The following SV2C variants were observed in gnomAD, a reference collection of about 807,000 sequenced individuals.
SV2C encodes the protein solute carrier family 22 member B3.
SV2C carries 49 observed loss-of-function variants against 79.7 expected under a neutral mutation model. The ratio of observed to expected loss-of-function variants is 0.61; its 90% CI spans 0.49 to 0.78. SV2C has a LOEUF of 0.78. SV2C is among the 30% of genes least tolerant of loss of function. The probability of loss-of-function intolerance (pLI) is 0.00; values close to 1 mark genes in which losing one functional copy is unlikely to be tolerated. For synonymous variants in SV2C, 334 were observed against 333.2 expected, an observed-to-expected ratio of 1.00 and a Z score of -0.03; for missense variants, 833 against 912.9, an observed-to-expected ratio of 0.91 and a Z score of 1.13.
chr5:76,304,741 CCAAA>C (rs1261347505), intron 12 of SV2C, among the ~76,000 whole-genome samples: 2 of 152,130 alleles, frequency 1.3e-5, no homozygotes, highest in Non-Finnish European at 2.9e-5. Context: ...GCAGGAAGGG[CCAAA>C]CACTGTGTGA....
At chr5:76,195,964 CT>C (rs981336893) in intron 3 of SV2C, among the ~76,000 whole-genome samples, 2 of 151,642 alleles carry the variant, frequency 1.3e-5, no homozygotes, top group Non-Finnish European at 2.9e-5. Flanking sequence ...AACTTAGAGA[CT>C]TTTTTTTCAA....
the SV2C span, among the ~76,000 whole-genome samples, chr5:75,892,898 T>C: frequency 6.6e-6 from 1 of 152,122 alleles, no homozygotes; most frequent in Non-Finnish European, 1.5e-5. Flanking sequence ...AGTGCATGTG[T>C]CTTTTTGGTA....
chr5:76,176,986 G>T (rs1196803658), intron 2 of SV2C, among the ~76,000 whole-genome samples: 2 of 151,654 alleles, frequency 1.3e-5, no homozygotes, highest in African/African-American at 4.8e-5. Flanking sequence ...ACGGTGGCGG[G>T]CGTCTGTAGT....
the SV2C span, among the ~76,000 whole-genome samples, chr5:75,907,318 C>T: frequency 6.0e-4 from 91 of 152,276 alleles, no homozygotes; most frequent in African/African-American, 2.1e-3. Context: ...TTGATCATGG[C>T]TCACCTCCAA....
chr5:75,958,601 C>T, the SV2C span, among the ~76,000 whole-genome samples: 1 of 152,120 alleles, frequency 6.6e-6, no homozygotes, highest in Admixed American at 6.6e-5. Context: ...TCCAACTTGG[C>T]CCTTTGGCTG....
At chr5:75,882,790 A>T in the SV2C span, among the ~76,000 whole-genome samples, 1 of 98,536 alleles carries the variant, frequency 1.0e-5, no homozygotes, top group Non-Finnish European at 1.8e-5. Context: ...CTAAAACCAT[A>T]AAAAAAAAAA....
chr5:76,102,340 T>C (rs1461713577), intron 1 of SV2C, among the ~76,000 whole-genome samples: 1 of 152,014 alleles, frequency 6.6e-6, no homozygotes, highest in Non-Finnish European at 1.5e-5. Context: ...TAGCTAACTC[T>C]CACTCATCCT....
At chr5:76,271,762 CG>C (rs1481722579) in intron 4 of SV2C, among the ~76,000 whole-genome samples, 1 of 152,004 alleles carries the variant, frequency 6.6e-6, no homozygotes, top group African/African-American at 2.4e-5. Flanking sequence ...CCATCGCGCC[CG>C]GCGTATGTGC....
rs554112623 is a variant in SV2C at position 76,257,448 on chromosome 5, G to A, written c.914-27714G>A. Among the ~76,000 whole-genome samples the A allele has an allele frequency of 2.4e-4, 29 of 121,486 alleles. No individual in the cohort carries two copies. The East Asian group carries it at 2.7e-3, about 11-fold the overall frequency. 79.7% of individuals were successfully genotyped at this position (121,486 alleles called of 152,430 possible). Reference sequence around the variant, plus strand: ...TGTGGGTAATGTGCAGTATATGGGTGTGTGTAGTGTGGGGGATAGCGGTGT... The same window carrying A: ...TGTGGGTAATGTGCAGTATATGGGTATGTGTAGTGTGGGGGATAGCGGTGT... On this transcript the variant is annotated intron_variant, in intron 4 of 12. Coordinates refer to ENST00000502798, the MANE Select transcript of SV2C (RefSeq NM_014979.4).
chr5:76,175,408 G>A (rs1743493090), intron 2 of SV2C, among the ~76,000 whole-genome samples: 1 of 151,992 alleles, frequency 6.6e-6, no homozygotes, highest in Non-Finnish European at 1.5e-5. Context: ...GTCCTTTAAA[G>A]TAGGGGGATA....
At chr5:76,334,098 G>A (rs1178175623), downstream of SV2C, 8 of 152,120 alleles carry the variant, frequency 5.3e-5, no homozygotes, top group South Asian at 2.1e-4. Context: ...TGGTGTCATG[G>A]GTATTGATGT....
At chr5:76,079,987 C>T (rs1002917696), upstream of SV2C, among the ~76,000 whole-genome samples, 3 of 151,642 alleles carry the variant, frequency 2.0e-5, no homozygotes, top group African/African-American at 4.8e-5. Context: ...TTCAACAGCA[C>T]AGCAAAGACT....
rs369098544 is a variant in SV2C, at chr5:76,248,623, A to ATT, written c.914-36525_914-36524dup. The stretch of plus-strand genomic sequence containing the variant: ...CCCTGCACATAGTAGGTGCTCAGTG[A>ATT]TTTTTTTTTTTTTTTGAGACGGCCT... On this transcript the variant is annotated intron_variant, in intron 4 of 12. Transcript: ENST00000502798. 2.8e-3 allele frequency among the ~76,000 whole-genome samples: 395 copies of ATT among 143,374 alleles called. 5 individuals are homozygous for ATT. Among genetic ancestry groups the ATT allele is most frequent in the Non-Finnish European group, 2.9e-3 (190 of 65,572 alleles). 94.1% of individuals were successfully genotyped at this position (143,374 alleles called of 152,430 possible). A position where few individuals can be genotyped will look rare whatever the true frequency, so the allele number is the denominator to read the frequency against.
chr5:75,847,854 A>G, the SV2C span, among the ~76,000 whole-genome samples: 5 of 152,172 alleles, frequency 3.3e-5, no homozygotes, highest in Non-Finnish European at 5.9e-5. Context: ...AACTCCACCT[A>G]TGCACCTGTC....
intron 1 of SV2C, among the ~76,000 whole-genome samples, chr5:76,124,705 C>T (rs1368384277): frequency 2.0e-5 from 3 of 152,170 alleles, no homozygotes; most frequent in African/African-American, 7.2e-5. Flanking sequence ...TTCACAGAGG[C>T]TGTACCATTT....
At chr5:76,028,679 ATC>A in the SV2C span, among the ~76,000 whole-genome samples, 1 of 152,218 alleles carries the variant, frequency 6.6e-6, no homozygotes, top group Admixed American at 6.5e-5. Context: ...GGCTGAATGA[ATC>A]AGTACAGTGC....
At chr5:76,024,813 A>G in the SV2C span, among the ~76,000 whole-genome samples, 12 of 152,232 alleles carry the variant, frequency 7.9e-5, no homozygotes, top group South Asian at 2.5e-3. Flanking sequence ...GCAGGTTTTT[A>G]ATCTGGGAAT....
the SV2C span, among the ~76,000 whole-genome samples, chr5:75,993,199 T>C: frequency 6.6e-6 from 1 of 152,122 alleles, no homozygotes; most frequent in Non-Finnish European, 1.5e-5. Context: ...ATTTTACTAT[T>C]TTTCATGTTT....
In SV2C at chr5:76,210,961, C is replaced by T. The variant is rs182851759; in HGVS notation, c.913+1074C>T. Among the ~76,000 whole-genome samples, 145 of 152,316 alleles carry T rather than the reference C, an allele frequency of 9.5e-4. 1 individual carries two copies. Among genetic ancestry groups the T allele is most frequent in the African/African-American group, 3.4e-3 (141 of 41,568 alleles). On this transcript the variant is annotated intron_variant, in intron 4 of 12. Transcript: ENST00000502798. ...CTTTCATTTGTTTCCTCTGTGCTAT[C>T]AATGCTGGGGATTCCTCTCCCCTCT...
Sources: gnomAD v4.1 joint callset for allele counts (sites outside exome capture counted in the v4.1 genomes callset) on GRCh38, gnomAD v4.1.1 for gene constraint, MANE v1.5 for transcripts, NCBI Gene and HGNC (gene_info 2026-07-23, HGNC 2026-07-21) for gene names.